ZBTB20: variants seen among roughly 807,000 people sequenced by gnomAD.
ZBTB20 encodes the protein zinc finger and BTB domain containing 20.
Under a neutral mutation model 56.9 loss-of-function variants are expected in ZBTB20, and 9 were observed. That is an observed-to-expected ratio of 0.16 (90% CI 0.10 to 0.28). ZBTB20 has a LOEUF of 0.28. ZBTB20 is among the 10% of genes least tolerant of loss of function. The probability of loss-of-function intolerance (pLI) is 1.00; values close to 1 mark genes in which losing one functional copy is unlikely to be tolerated. For synonymous variants in ZBTB20, 417 were observed against 420.7 expected (o/e 0.99, Z 0.11); for missense variants, 655 against 1,003.0 (o/e 0.65, Z 4.69).
chr3:114,357,992 A>G (rs1293338396), intron 10 of ZBTB20, among the ~76,000 whole-genome samples: 2 of 152,226 alleles, frequency 1.3e-5, no homozygotes, highest in Non-Finnish European at 2.9e-5. Context: ...TATAGTTTAC[A>G]ACTGTTGAAG....
chr3:114,490,284 C>A (rs565249277), intron 7 of ZBTB20, among the ~76,000 whole-genome samples: 1 of 151,818 alleles, frequency 6.6e-6, no homozygotes, highest in African/African-American at 2.4e-5. Flanking sequence ...TGCAGTGGTG[C>A]GATCTCGGCT....
At chr3:114,519,885 A>C (rs1464218105) in intron 6 of ZBTB20, 2 of 152,172 alleles carry the variant, frequency 1.3e-5, no homozygotes, top group Admixed American at 6.5e-5. Context: ...CCTGTCAGGA[A>C]AATTTCAAGT....
At chr3:115,142,879 A>T (rs1177763313) in intron 1 of ZBTB20, among the ~76,000 whole-genome samples, 1 of 152,190 alleles carries the variant, frequency 6.6e-6, no homozygotes, top group East Asian at 1.9e-4. Flanking sequence ...TAATGTAGGT[A>T]TAAGCGTGAC....
chr3:115,088,254 T>C (rs532886442), intron 1 of ZBTB20, among the ~76,000 whole-genome samples: 4 of 152,016 alleles, frequency 2.6e-5, no homozygotes, highest in African/African-American at 9.6e-5. Context: ...TTCTTCACTT[T>C]GGGTTTTCAT....
chr3:114,793,042 A>AT (rs1251766454), intron 5 of ZBTB20, among the ~76,000 whole-genome samples: 1 of 151,090 alleles, frequency 6.6e-6, no homozygotes, highest in Non-Finnish European at 1.5e-5. Flanking sequence ...TCCCCAGCTA[A>AT]TTTTTTTTAT....
intron 7 of ZBTB20, among the ~76,000 whole-genome samples, chr3:114,460,349 G>T (rs1229826864): frequency 3.9e-5 from 6 of 151,932 alleles, no homozygotes; most frequent in Non-Finnish European, 5.9e-5. Flanking sequence ...GTTACCTTAC[G>T]TGGCAAAGGG....
At chr3:114,389,897 A>AT (rs2085650290) in intron 7 of ZBTB20, among the ~76,000 whole-genome samples, 1 of 151,738 alleles carries the variant, frequency 6.6e-6, no homozygotes, top group Non-Finnish European at 1.5e-5. Context: ...CAAAAAAAAA[A>AT]AAAAAAAAAA....
chr3:114,458,987 C>T lies in ZBTB20; in HGVS notation c.-255+41365G>A, dbSNP rs992751092. 2.0e-5 allele frequency among the ~76,000 whole-genome samples: 3 copies of T among 151,886 alleles called. No individual in the cohort carries two copies. The East Asian group carries it at 5.8e-4, about 29-fold the overall frequency. On this transcript the variant is annotated intron_variant, in intron 7 of 11. Transcript: ENST00000675478. ...CCATGGTAGACCATAGTTTATTAGG[C>T]CTTTTTAGTGTACATTTGTATGAAT...
At chr3:114,506,346 C>T (rs145221841) in intron 6 of ZBTB20, among the ~76,000 whole-genome samples, 63 of 152,206 alleles carry the variant, frequency 4.1e-4, no homozygotes, top group African/African-American at 1.4e-3. Flanking sequence ...TGCTTCTGCG[C>T]CTGAGACATT....
At chr3:114,808,395 G>C (rs1047368073) in intron 4 of ZBTB20, among the ~76,000 whole-genome samples, 1 of 151,946 alleles carries the variant, frequency 6.6e-6, no homozygotes, top group Non-Finnish European at 1.5e-5. Context: ...GAATGAGAGA[G>C]AAGGTATCAC....
intron 1 of ZBTB20, among the ~76,000 whole-genome samples, chr3:115,093,980 G>GT (rs1226039149): frequency 6.6e-6 from 1 of 152,020 alleles, no homozygotes; most frequent in Non-Finnish European, 1.5e-5. Context: ...ATACTTCTAA[G>GT]TTTAGAAGCT....
intron 6 of ZBTB20, among the ~76,000 whole-genome samples, chr3:114,545,737 G>T (rs966612494): frequency 6.6e-6 from 1 of 152,102 alleles, no homozygotes; most frequent in East Asian, 1.9e-4. Context: ...TAAAGTAATG[G>T]CCTCTTCAAA....
chr3:114,683,802 G>C (rs900692586), intron 6 of ZBTB20, among the ~76,000 whole-genome samples: 4 of 152,160 alleles, frequency 2.6e-5, no homozygotes, highest in South Asian at 4.2e-4. Flanking sequence ...TGGGAGTCTG[G>C]GTTAGCAGAG....
intron 6 of ZBTB20, among the ~76,000 whole-genome samples, chr3:114,679,119 T>C (rs1440057894): frequency 6.6e-6 from 1 of 152,118 alleles, no homozygotes; most frequent in African/African-American, 2.4e-5. Context: ...TTACACCTTA[T>C]ACAAAAATTA....
intron 6 of ZBTB20, among the ~76,000 whole-genome samples, chr3:114,522,783 T>C (rs2046786222): frequency 6.6e-6 from 1 of 152,134 alleles, no homozygotes; most frequent in South Asian, 2.1e-4. Flanking sequence ...TGAGTAACCC[T>C]AAAGGTGGAG....
intron 6 of ZBTB20, among the ~76,000 whole-genome samples, chr3:114,667,737 T>C (rs985611668): frequency 6.6e-6 from 1 of 152,044 alleles, no homozygotes; most frequent in Non-Finnish European, 1.5e-5. Context: ...GTAGAGGATA[T>C]GGCATAAGAG....
chr3:114,932,091 G>A (rs549934848), intron 3 of ZBTB20, among the ~76,000 whole-genome samples: 1 of 152,300 alleles, frequency 6.6e-6, no homozygotes, highest in South Asian at 2.1e-4. Context: ...TAGGAATAAA[G>A]ATCTGGTAGG....
In ZBTB20 at chr3:115,050,851, G is replaced by A. The variant is rs578117494; in HGVS notation, c.-507+20368C>T. Among the ~76,000 whole-genome samples the A allele has an allele frequency of 1.1e-4, 17 of 152,128 alleles. No individual in the cohort carries two copies. The East Asian group carries it at 1.5e-3, about 14-fold the overall frequency. On this transcript the variant is annotated intron_variant, in intron 2 of 11. Transcript: ENST00000675478. ...AGAAAAGGGTAATAATAAAAGGATG[G>A]TAATAAGATGAAAGGTACTCTACAA... is the stretch of plus-strand genomic sequence containing the variant.
intron 10 of ZBTB20, among the ~76,000 whole-genome samples, chr3:114,377,448 C>G (rs989238197): frequency 3.9e-5 from 6 of 152,126 alleles, no homozygotes; most frequent in African/African-American, 1.4e-4. Context: ...GTTAAACAGC[C>G]AACTGAGAAT....
Sources: gnomAD v4.1 joint callset for allele counts (sites outside exome capture counted in the v4.1 genomes callset) on GRCh38, gnomAD v4.1.1 for gene constraint, MANE v1.5 for transcripts, NCBI Gene and HGNC (gene_info 2026-07-23, HGNC 2026-07-21) for gene names.